SYN3: variants seen among roughly 807,000 people sequenced by gnomAD.
SYN3 encodes synapsin III.
Under a neutral mutation model 65.8 loss-of-function variants are expected in SYN3, and 35 were observed. The ratio of observed to expected loss-of-function variants is 0.53; its 90% CI spans 0.41 to 0.70. SYN3 has a LOEUF of 0.70. SYN3 is among the 30% of genes least tolerant of loss of function. SYN3 has a pLI of 0.00. For synonymous variants in SYN3, 270 were observed against 292.9 expected (o/e 0.92, Z 0.80); for missense variants, 680 against 749.0 (o/e 0.91, Z 1.08).
chr22:32,866,394 A>G (rs2048689939), intron 5 of SYN3, among the ~76,000 whole-genome samples: 1 of 152,182 alleles, frequency 6.6e-6, no homozygotes, highest in South Asian at 2.1e-4. Context: ...AAAACGATGT[A>G]TGTGTGTGTG....
intron 3 of SYN3, among the ~76,000 whole-genome samples, chr22:32,946,170 GA>G (rs759325278): frequency 5.7e-4 from 87 of 152,292 alleles, no homozygotes; most frequent in Non-Finnish European, 1.1e-3. Flanking sequence ...AATACCGTTT[GA>G]CCCAGCCATC....
intron 2 of SYN3, 144 bp from the exon 3 acceptor site, chr22:32,980,846 T>A: frequency 1.5e-6 from 1 of 676,496 alleles, no homozygotes; most frequent in Non-Finnish European, 2.5e-6. Context: ...ACTACTGATT[T>A]TCTCAGTCTT....
intron 6 of SYN3, among the ~76,000 whole-genome samples, chr22:32,842,653 A>C (rs1263930214): frequency 2.0e-5 from 3 of 152,200 alleles, no homozygotes; most frequent in Non-Finnish European, 4.4e-5. Flanking sequence ...GTCTCATTTA[A>C]TTAATCAATC....
At chr22:32,863,733 T>A (rs990863911) in intron 6 of SYN3, among the ~76,000 whole-genome samples, 4 of 152,156 alleles carry the variant, frequency 2.6e-5, no homozygotes, top group African/African-American at 9.7e-5. Flanking sequence ...CTCGATGAGG[T>A]TGCTCCACAA....
intron 6 of SYN3, among the ~76,000 whole-genome samples, chr22:32,835,194 T>TA (rs1302409474): frequency 2.0e-5 from 3 of 152,210 alleles, no homozygotes; most frequent in African/African-American, 7.2e-5. Context: ...GGTAGGGTGA[T>TA]ACACTCTTCT....
chr22:32,755,304 G>A (rs113536815), intron 6 of SYN3, among the ~76,000 whole-genome samples: 312 of 152,312 alleles, frequency 2.0e-3, no homozygotes, highest in African/African-American at 7.2e-3. Flanking sequence ...AACAGTGAAT[G>A]CTCTTGTCAC....
intron 6 of SYN3, among the ~76,000 whole-genome samples, chr22:32,839,334 CTG>C (rs1322284624): frequency 6.6e-6 from 1 of 152,204 alleles, no homozygotes; most frequent in African/African-American, 2.4e-5. Context: ...GGGAGAAGGA[CTG>C]TGTTTCCCAC....
At chr22:32,772,329 T>C (rs1186797135) in intron 6 of SYN3, among the ~76,000 whole-genome samples, 1 of 149,828 alleles carries the variant, frequency 6.7e-6, no homozygotes, top group African/African-American at 2.5e-5. Flanking sequence ...CTAGGGAGTA[T>C]CTAACAAAAT....
intron 6 of SYN3, among the ~76,000 whole-genome samples, chr22:32,802,636 C>T (rs1164965883): frequency 6.6e-6 from 1 of 152,172 alleles, no homozygotes; most frequent in African/African-American, 2.4e-5. Flanking sequence ...CCCAACCCAG[C>T]TGCAGGCTTC....
At chr22:32,787,694 T>C (rs889349179) in intron 6 of SYN3, among the ~76,000 whole-genome samples, 2 of 152,184 alleles carry the variant, frequency 1.3e-5, no homozygotes, top group African/African-American at 2.4e-5. Context: ...TTAATAAACA[T>C]TTTAATAAGT....
chr22:32,987,314 A>G (rs1046815076), intron 2 of SYN3, among the ~76,000 whole-genome samples: 2 of 152,162 alleles, frequency 1.3e-5, no homozygotes, highest in Non-Finnish European at 2.9e-5. Flanking sequence ...AATGAAGGCA[A>G]AACACTCAGA....
At chr22:32,649,010 A>G (rs759027703) in intron 6 of SYN3, among the ~76,000 whole-genome samples, 10 of 152,186 alleles carry the variant, frequency 6.6e-5, no homozygotes, top group Non-Finnish European at 1.5e-4. Context: ...CACCTATTAC[A>G]GTTGATTGTA....
At chr22:32,572,274 C>G (rs926307180) in intron 7 of SYN3, among the ~76,000 whole-genome samples, 3 of 28,542 alleles carry the variant, frequency 1.1e-4, no homozygotes, top group Admixed American at 7.8e-4. Flanking sequence ...TTCCTTCCCC[C>G]CTCCCTCCCT....
Position 32,975,373 on chromosome 22 carries a change from C to CA in SYN3, c.369+5271dup, listed in dbSNP as rs34119880. Among the ~76,000 whole-genome samples the CA allele has an allele frequency of 7.0e-3, 731 of 104,200 alleles. 5 individuals are homozygous for CA. The highest frequency in any genetic ancestry group is 0.033 in the Middle Eastern group (6 of 182). The allele number at this position is 104,200 out of a possible 152,430, so 68.4% of individuals were successfully genotyped here. A position where few individuals can be genotyped will look rare whatever the true frequency, so the allele number is the denominator to read the frequency against. On this transcript the variant is annotated intron_variant, in intron 3 of 13. Transcript: ENST00000358763. ...CCAGCGACAGAGTGAGACTCCGCCT[C>CA]AAAAAAAAAAAAAAAAAGTCTCCTT...
chr22:32,727,703 G>A (rs2061214755), intron 6 of SYN3, among the ~76,000 whole-genome samples: 2 of 152,304 alleles, frequency 1.3e-5, no homozygotes, highest in South Asian at 2.1e-4. Flanking sequence ...GCATCTCATT[G>A]TAGTTTGGAT....
chr22:32,625,399 A>G (rs1393008528), intron 6 of SYN3, among the ~76,000 whole-genome samples: 1 of 152,288 alleles, frequency 6.6e-6, no homozygotes, highest in Non-Finnish European at 1.5e-5. Context: ...CAGATGCTCT[A>G]GTTTGTCACC....
chr22:32,642,291 A>T (rs912925770), intron 6 of SYN3, among the ~76,000 whole-genome samples: 2 of 151,786 alleles, frequency 1.3e-5, no homozygotes, highest in African/African-American at 4.8e-5. Flanking sequence ...CTCCATTTAA[A>T]AAAAATAATA....
intron 6 of SYN3, among the ~76,000 whole-genome samples, chr22:32,795,879 T>A (rs2046416997): frequency 6.6e-6 from 1 of 152,078 alleles, no homozygotes; most frequent in African/African-American, 2.4e-5. Context: ...CCATATCAGT[T>A]CCAGCAGGTT....
chr22:32,828,716 T>G (rs1239945419), intron 6 of SYN3, among the ~76,000 whole-genome samples: 1 of 152,218 alleles, frequency 6.6e-6, no homozygotes, highest in Non-Finnish European at 1.5e-5. Context: ...ACCTACCCAC[T>G]ATAGACTTCT....
Sources: gnomAD v4.1 joint callset for allele counts (sites outside exome capture counted in the v4.1 genomes callset) on GRCh38, gnomAD v4.1.1 for gene constraint, MANE v1.5 for transcripts, NCBI Gene and HGNC (gene_info 2026-07-23, HGNC 2026-07-21) for gene names.